STIM2: variants seen among roughly 807,000 people sequenced by gnomAD.
STIM2 encodes the protein stromal interaction molecule 2.
A neutral mutation model predicts 85.8 loss-of-function variants in STIM2; 31 were observed. The observed-to-expected ratio is 0.36, with a 90% confidence interval of 0.27 to 0.49. The LOEUF (loss-of-function observed/expected upper bound fraction) is 0.49, where lower values mean the gene tolerates loss of function less well. Among genes scored for constraint, STIM2 ranks in the 20% least tolerant of loss-of-function variants. The pLI is 0.98. For synonymous variants in STIM2, 356 were observed against 331.1 expected (o/e 1.08, Z -0.82); for missense variants, 841 against 927.6 (o/e 0.91, Z 1.21).
At chr4:26,905,949 T>G (rs1016052929) in intron 1 of STIM2, among the ~76,000 whole-genome samples, 1 of 152,158 alleles carries the variant, frequency 6.6e-6, no homozygotes, top group African/African-American at 2.4e-5. Flanking sequence ...TGTTTATGTG[T>G]GTGTGTATAT....
At chr4:26,969,594 A>G (rs1321145301) in intron 3 of STIM2, among the ~76,000 whole-genome samples, 6 of 152,168 alleles carry the variant, frequency 3.9e-5, no homozygotes, top group Non-Finnish European at 7.3e-5. Context: ...TTGAAGATTG[A>G]TCTGCTTTGT....
intron 2 of STIM2, among the ~76,000 whole-genome samples, chr4:26,944,688 T>G (rs1466441555): frequency 6.6e-6 from 1 of 152,226 alleles, no homozygotes; most frequent in Non-Finnish European, 1.5e-5. Flanking sequence ...TAGTAACTTG[T>G]GAGAAGCTTC....
chr4:26,894,892 A>G (rs1723640580), intron 1 of STIM2, among the ~76,000 whole-genome samples: 1 of 152,326 alleles, frequency 6.6e-6, no homozygotes, highest in Middle Eastern at 3.4e-3. Flanking sequence ...TACTTATAAC[A>G]TTCAGTCATC....
intron 1 of STIM2, among the ~76,000 whole-genome samples, chr4:26,880,526 A>C (rs1185425236): frequency 1.3e-5 from 2 of 151,114 alleles, no homozygotes; most frequent in African/African-American, 4.9e-5. Flanking sequence ...TAGATAGTAC[A>C]CAGTGTCTCA....
intron 2 of STIM2, among the ~76,000 whole-genome samples, chr4:26,956,621 A>C (rs1458814064): frequency 6.6e-6 from 1 of 152,106 alleles, no homozygotes; most frequent in Non-Finnish European, 1.5e-5. Flanking sequence ...AGTTTTGTAA[A>C]GTATACTTTA....
At chr4:26,971,960 C>A (rs1001094089) in intron 3 of STIM2, among the ~76,000 whole-genome samples, 1 of 152,074 alleles carries the variant, frequency 6.6e-6, no homozygotes, top group Non-Finnish European at 1.5e-5. Context: ...CTTCCCATCC[C>A]TTGTAAATTG....
chr4:26,897,424 C>T (rs7654663), intron 1 of STIM2, among the ~76,000 whole-genome samples: 8,673 of 152,244 alleles, frequency 0.057, 298 homozygotes, highest in African/African-American at 0.081. Context: ...TCTGTATCCT[C>T]TTTTTTCATG....
chr4:27,008,652 AT>A (rs1308418068), intron 9 of STIM2, 111 bp from the exon 10 acceptor site: 2 of 1,196,974 alleles, frequency 1.7e-6, no homozygotes, highest in Non-Finnish European at 1.2e-6. Context: ...AGAGTGGGTT[AT>A]TTCTTCTTGA....
intron 11 of STIM2, 33 bp from the exon 12 acceptor site, chr4:27,022,486 T>TA (rs1161989079): frequency 6.5e-7 from 1 of 1,528,578 alleles, no homozygotes; most frequent in Non-Finnish European, 8.9e-7. Context: ...CATACTGATT[T>TA]AAAATTTGTA....
intron 3 of STIM2, among the ~76,000 whole-genome samples, chr4:26,994,104 C>G (rs995740387): frequency 6.6e-5 from 10 of 152,042 alleles, no homozygotes; most frequent in African/African-American, 2.4e-4. Context: ...GTCTAAAGAT[C>G]ATCTGTATGT....
chr4:26,914,312 T>A (rs1306732964), intron 1 of STIM2, among the ~76,000 whole-genome samples: 1 of 152,228 alleles, frequency 6.6e-6, no homozygotes, highest in Non-Finnish European at 1.5e-5. Context: ...ATGCTCCATA[T>A]TCATAGTTAT....
chr4:26,996,455 A>G (rs1330689833), intron 4 of STIM2, among the ~76,000 whole-genome samples: 7 of 152,034 alleles, frequency 4.6e-5, no homozygotes, highest in Admixed American at 3.9e-4. Context: ...TCCCTAGTCA[A>G]CTTCCTTACA....
intron 2 of STIM2, among the ~76,000 whole-genome samples, chr4:26,921,785 G>C (rs1724807195): frequency 6.6e-6 from 1 of 152,138 alleles, no homozygotes; most frequent in Non-Finnish European, 1.5e-5. Flanking sequence ...CACTTTGAGA[G>C]TGTGATAGCT....
chr4:27,007,401 A>G lies in STIM2; in HGVS notation c.982-132A>G, dbSNP rs1361731083. 5.4e-5 allele frequency: 30 copies of G among 551,070 alleles called. No homozygotes were observed. In the Admixed American group the frequency reaches 1.1e-3, roughly 20 times the overall value. The allele number at this position is 551,070 out of a possible 1,614,324, so 34.1% of individuals were successfully genotyped here. A position where few individuals can be genotyped will look rare whatever the true frequency, so the allele number is the denominator to read the frequency against. On this transcript the variant is annotated intron_variant, in intron 7 of 11. Transcript: ENST00000467087. Reference sequence around the variant, plus strand: ...GAAATCTACTGTATTTAGACTTTGCAGTTTAAAACGATGTTTACAAAGAGC... The same window carrying G: ...GAAATCTACTGTATTTAGACTTTGCGGTTTAAAACGATGTTTACAAAGAGC...
At chr4:26,995,121 T>C (rs893662520) in intron 3 of STIM2, among the ~76,000 whole-genome samples, 19 of 152,150 alleles carry the variant, frequency 1.2e-4, no homozygotes, top group African/African-American at 4.6e-4. Context: ...TGATAGATTA[T>C]TTCATTCTTA....
Position 26,938,781 on chromosome 4 carries a change from A to G in STIM2, c.283-18831A>G, listed in dbSNP as rs1725486213. On this transcript the variant is annotated intron_variant, in intron 2 of 11. Coordinates refer to ENST00000467087, the MANE Select transcript of STIM2 (RefSeq NM_020860.4). ...GACAGAAGTGTTCTCTCTTATAGATAAGGAGACAGAGGCTTAAGAGAGATT... is the reference window on the plus strand; with the variant it reads ...GACAGAAGTGTTCTCTCTTATAGATGAGGAGACAGAGGCTTAAGAGAGATT... Among the ~76,000 whole-genome samples, 3 of 152,298 alleles carry G rather than the reference A, an allele frequency of 2.0e-5. No homozygotes were observed. The South Asian group carries it at 6.2e-4, about 32-fold the overall frequency.
chr4:27,000,654 A>G (rs1457781010), intron 5 of STIM2, among the ~76,000 whole-genome samples: 1 of 152,210 alleles, frequency 6.6e-6, no homozygotes, highest in Admixed American at 6.5e-5. Flanking sequence ...AGTCTCAAAA[A>G]AGATTGTAAA....
At chr4:26,901,521 G>A (rs1034387828) in intron 1 of STIM2, among the ~76,000 whole-genome samples, 1 of 152,052 alleles carries the variant, frequency 6.6e-6, no homozygotes, top group Non-Finnish European at 1.5e-5. Context: ...CATTGCAAAG[G>A]TATAACTTGC....
At chr4:26,928,118 A>C (rs973616176) in intron 2 of STIM2, among the ~76,000 whole-genome samples, 1 of 151,922 alleles carries the variant, frequency 6.6e-6, no homozygotes, top group African/African-American at 2.4e-5. Context: ...TAGAAGGCCC[A>C]AGAGGCAAAA....
Sources: allele counts gnomAD v4.1 joint callset (sites outside exome capture counted in the v4.1 genomes callset), GRCh38; gene constraint gnomAD v4.1.1; transcripts MANE v1.5; gene names NCBI Gene and HGNC (gene_info 2026-07-23, HGNC 2026-07-21).